Variants in ABCD2 observed in about 807,000 individuals in gnomAD.
ABCD2 encodes ATP binding cassette subfamily D member 2, also known as ATP-binding cassette sub-family D member 2.
In ABCD2, 36 loss-of-function variants were observed where a neutral mutation model predicts 70.9. The ratio of observed to expected loss-of-function variants is 0.51; its 90% CI spans 0.39 to 0.67. The LOEUF (loss-of-function observed/expected upper bound fraction) is 0.67, where lower values mean the gene tolerates loss of function less well. Among genes scored for constraint, ABCD2 ranks in the 30% least tolerant of loss-of-function variants. The probability of loss-of-function intolerance (pLI) is 0.00; values close to 1 mark genes in which losing one functional copy is unlikely to be tolerated. For synonymous variants in ABCD2, 304 were observed against 306.9 expected, an observed-to-expected ratio of 0.99 and a Z score of 0.10; for missense variants, 729 against 890.2, an observed-to-expected ratio of 0.82 and a Z score of 2.30.
intron 7 of ABCD2, among the ~76,000 whole-genome samples, chr12:39,583,404 T>C (rs994059735): frequency 4.6e-5 from 7 of 152,234 alleles, no homozygotes; most frequent in African/African-American, 1.7e-4. Context: ...ATAAAATACA[T>C]TTAAAATTAA....
At chr12:39,573,269 A>G (rs73096529) in intron 9 of ABCD2, among the ~76,000 whole-genome samples, 1 of 152,230 alleles carries the variant, frequency 6.6e-6, no homozygotes, top group Non-Finnish European at 1.5e-5. Context: ...AAACCAACTA[A>G]AAATAAGCCC....
chr12:39,593,117 T>C (rs1269456566), intron 6 of ABCD2, among the ~76,000 whole-genome samples: 1 of 152,222 alleles, frequency 6.6e-6, no homozygotes, highest in East Asian at 1.9e-4. Context: ...TCTGGTTTTA[T>C]ATGTGTGGGT....
the ABCD2 span, among the ~76,000 whole-genome samples, chr12:39,531,734 TG>T: frequency 6.6e-6 from 1 of 152,252 alleles, no homozygotes; most frequent in Non-Finnish European, 1.5e-5. Flanking sequence ...CATGCTTTTT[TG>T]TGAGGGGCTG....
intron 6 of ABCD2, among the ~76,000 whole-genome samples, chr12:39,596,379 CA>C (rs1941814995): frequency 6.6e-6 from 1 of 151,910 alleles, no homozygotes; most frequent in South Asian, 2.1e-4. Flanking sequence ...ACATAAACAT[CA>C]TAAGATTATA....
intron 9 of ABCD2, among the ~76,000 whole-genome samples, chr12:39,562,212 A>G (rs1941270553): frequency 1.3e-5 from 2 of 152,138 alleles, no homozygotes; most frequent in Non-Finnish European, 2.9e-5. Context: ...GAAAATTTAT[A>G]GCAACAAATA....
chr12:39,566,494 A>G (rs1374219808), intron 9 of ABCD2, among the ~76,000 whole-genome samples: 1 of 151,920 alleles, frequency 6.6e-6, no homozygotes, highest in Non-Finnish European at 1.5e-5. Context: ...ATCATTTTTT[A>G]TTGCATCTAT....
intron 9 of ABCD2, among the ~76,000 whole-genome samples, chr12:39,555,436 C>T (rs1475343563): frequency 6.6e-6 from 1 of 152,118 alleles, no homozygotes; most frequent in Non-Finnish European, 1.5e-5. Context: ...AATACCTCTA[C>T]CTCTACAGAA....
Position 39,554,159 on chromosome 12 carries a change from T to C in ABCD2, c.2004-28A>G. ...GCATAATTAAAATGAAATAATATTA[T>C]TAGCCATAATGTTGAAAAATCATTT... On this transcript the variant is annotated intron_variant, in intron 9 of 9. Transcript: ENST00000308666. 4 of 1,577,694 alleles carry C rather than the reference T, an allele frequency of 2.5e-6. No homozygotes were observed. The East Asian group carries it at 9.0e-5, about 36-fold the overall frequency.
At chr12:39,610,259 C>A (rs1200830038) in intron 2 of ABCD2, among the ~76,000 whole-genome samples, 1 of 152,106 alleles carries the variant, frequency 6.6e-6, no homozygotes, top group Non-Finnish European at 1.5e-5. Flanking sequence ...AGATGTTTTA[C>A]CATAGTCCAA....
rs748157381 is a variant in ABCD2, at chr12:39,579,487, T to C, written c.1877+48A>G. The C allele has an allele frequency of 2.2e-6, 3 of 1,348,016 alleles. No homozygotes were observed. The Admixed American group carries it at 5.4e-5, about 24-fold the overall frequency. The allele number at this position is 1,348,016 out of a possible 1,614,324, so 83.5% of individuals were successfully genotyped here. On this transcript the variant is annotated intron_variant, in intron 8 of 9. Transcript: ENST00000308666. ...TTTTGTTGTTCCTATTGTTGCTTGG[T>C]TTGGTTACAACAATGGCCTAGTAGT...
At chr12:39,614,305 A>G (rs1592000192) in intron 2 of ABCD2, among the ~76,000 whole-genome samples, 1 of 152,302 alleles carries the variant, frequency 6.6e-6, no homozygotes, top group Non-Finnish European at 1.5e-5. Context: ...CTGTTTCAAA[A>G]CACATTAAGT....
At chr12:39,586,320 G>A (rs766918409) in intron 6 of ABCD2, 23 bp from the exon 7 acceptor site, 4 of 1,598,430 alleles carry the variant, frequency 2.5e-6, no homozygotes, top group African/African-American at 2.7e-5. Context: ...AAGCACACAA[G>A]AATCCTAGTG....
intron 6 of ABCD2, among the ~76,000 whole-genome samples, chr12:39,598,173 T>C (rs1240700313): frequency 6.6e-6 from 1 of 152,214 alleles, no homozygotes; most frequent in African/African-American, 2.4e-5. Context: ...TTTTCTCCCA[T>C]GCAAGTAACA....
intron 5 of ABCD2, among the ~76,000 whole-genome samples, chr12:39,603,508 A>C (rs906427360): frequency 6.6e-6 from 1 of 152,080 alleles, no homozygotes; most frequent in Non-Finnish European, 1.5e-5. Flanking sequence ...AATTTAAGTC[A>C]CATAATGTAT....
At chr12:39,608,095 G>A (rs917077694) in intron 2 of ABCD2, among the ~76,000 whole-genome samples, 10 of 152,202 alleles carry the variant, frequency 6.6e-5, no homozygotes, top group Middle Eastern at 3.4e-3. Flanking sequence ...TTGAACCTGG[G>A]AGGTGGAGGT....
chr12:39,564,356 G>C (rs964945580), intron 9 of ABCD2, among the ~76,000 whole-genome samples: 2 of 152,186 alleles, frequency 1.3e-5, no homozygotes, highest in Non-Finnish European at 2.9e-5. Context: ...TGTGGTTTTT[G>C]ATTTGCATTG....
At chr12:39,532,275 C>T in the ABCD2 span, among the ~76,000 whole-genome samples, 3 of 152,162 alleles carry the variant, frequency 2.0e-5, no homozygotes, top group Non-Finnish European at 4.4e-5. Flanking sequence ...ATTGAAAAGA[C>T]TCAGAATAGT....
rs1941124596 is a variant in ABCD2 at position 39,553,970 on chromosome 12, T to G, written c.2165A>C (p.Lys722Thr). ...CAGCACTGAGTCTTCTCCCAAAATT[T>G]TACATAGTTCATTGAGTCTCTGCTG... ...KMQQRLNELC[K>T]ILGEDSVLKT... Residue 722 changes from lysine to threonine, a missense_variant, in exon 10 of 10, where the codon AAA (lysine) becomes ACA (threonine). Physicochemically the swap from Lys to Thr is moderately conservative, Grantham distance 78. Around this residue, in one of 3 missense-constraint regions of ABCD2, gnomAD observed 289 missense variants for 328.8 expected, o/e 0.88. Coordinates refer to ENST00000308666, the MANE Select transcript of ABCD2 (RefSeq NM_005164.4). 6.2e-7 allele frequency: 1 copy of G among 1,613,176 alleles called. No individual in the cohort carries two copies. The highest frequency in any genetic ancestry group is 1.3e-5 in the African/African-American group (1 of 74,908).
intron 2 of ABCD2, among the ~76,000 whole-genome samples, chr12:39,610,239 G>A (rs1403925318): frequency 2.0e-5 from 3 of 152,150 alleles, no homozygotes; most frequent in Non-Finnish European, 4.4e-5. Flanking sequence ...GAATCACCAT[G>A]AGTTCATGGA....
Sources: gnomAD v4.1 joint callset for allele counts (sites outside exome capture counted in the v4.1 genomes callset) on GRCh38, gnomAD v4.1.1 for gene constraint, gnomAD v4.1.1 regional missense constraint, MANE v1.5 for transcripts, NCBI Gene and HGNC (gene_info 2026-07-23, HGNC 2026-07-21) for gene names.